The following CDKL2 variants were observed in gnomAD, a reference collection of about 807,000 sequenced individuals.
CDKL2 encodes the protein cyclin dependent kinase like 2.
A neutral mutation model predicts 63.9 loss-of-function variants in CDKL2; 64 were observed. The observed-to-expected ratio is 1.00, with a 90% CI of 0.82 to 1.23. The LOEUF (loss-of-function observed/expected upper bound fraction) is 1.23. Ranked by LOEUF, CDKL2 falls within the 50% of genes most tolerant of loss-of-function variation. The pLI is 0.00. For missense variants in CDKL2, 656 were observed against 668.0 expected, an observed-to-expected ratio of 0.98 and a Z score of 0.20; for synonymous variants, 211 against 229.2, an observed-to-expected ratio of 0.92 and a Z score of 0.72.
rs1286431182 is a variant in CDKL2 at position 75,607,262 on chromosome 4, C to T, written c.463G>A (p.Gly155Arg). ...GCCACATAATCAGTATAAACCTCCC[C>T]AGGAGCTGCCAATGTTCGCGCAAAT... is the stretch of plus-strand genomic sequence containing the variant. ...FGFARTLAAP[G>R]EVYTDYVATR... is the part of the protein sequence containing the mutation. The change falls in exon 4 of 14, where the codon GGG becomes AGG. Residue 155 changes from glycine (G) to arginine (R), a missense_variant. Physicochemically the swap from Gly to Arg is moderately radical, Grantham distance 125. Coordinates refer to ENST00000307465, the MANE Select transcript of CDKL2 (RefSeq NM_001330724.2). The T allele has an allele frequency of 1.9e-6, 3 of 1,613,998 alleles. No individual in the cohort carries two copies. Among genetic ancestry groups the T allele is most frequent in the African/African-American group, 2.7e-5 (2 of 74,942 alleles).
intron 6 of CDKL2, among the ~76,000 whole-genome samples, chr4:75,602,326 C>G (rs1164412954): frequency 6.6e-6 from 1 of 152,186 alleles, no homozygotes; most frequent in South Asian, 2.1e-4. Flanking sequence ...GTTACAGGCA[C>G]GTGCCACCAC....
At position 75,598,172 on chromosome 4, in the gene CDKL2, TG is replaced by T; in HGVS notation, c.924del (p.Arg309GlufsTer22). ...QELQLKVQKDARNVSLSKKSQ... is the reference protein window; with the variant it reads ...QELQLKVQKDXRNVSLSKKSQ... Reference sequence around the variant, plus strand: ...GATTTTTTAGATAAAGAAACATTTCTGGCATCTTTCTGTACTTTTAACTGTA... The same window carrying T: ...GATTTTTTAGATAAAGAAACATTTCTGCATCTTTCTGTACTTTTAACTGTA... On this transcript the variant is annotated frameshift_variant, in exon 8 of 14. Coordinates refer to ENST00000307465, the MANE Select transcript of CDKL2 (RefSeq NM_001330724.2). LOFTEE classifies it high-confidence loss of function. 1 of 1,530,120 alleles carries T rather than the reference TG, an allele frequency of 6.5e-7. No individual in the cohort carries two copies. Among genetic ancestry groups the T allele is most frequent in the South Asian group, 1.2e-5 (1 of 82,162 alleles). 94.8% of individuals were successfully genotyped at this position (1,530,120 alleles called of 1,614,324 possible).
At chr4:75,620,824 G>T (rs1005204602) in intron 2 of CDKL2, among the ~76,000 whole-genome samples, 2 of 152,102 alleles carry the variant, frequency 1.3e-5, no homozygotes, top group Non-Finnish European at 2.9e-5. Flanking sequence ...TTTCATTTGG[G>T]TTAGCCCTAA....
chr4:75,613,020 G>C (rs982169554), intron 3 of CDKL2, among the ~76,000 whole-genome samples: 2 of 152,110 alleles, frequency 1.3e-5, no homozygotes, highest in Non-Finnish European at 2.9e-5. Flanking sequence ...AGCTACTCCG[G>C]AGGCTGAGGC....
intron 2 of CDKL2, among the ~76,000 whole-genome samples, chr4:75,623,154 C>T (rs899421010): frequency 6.6e-5 from 10 of 152,122 alleles, no homozygotes; most frequent in African/African-American, 1.4e-4. Context: ...TGGCACACGC[C>T]TGTAGGCCCA....
At chr4:75,582,226 C>A (rs1728292954) in intron 12 of CDKL2, among the ~76,000 whole-genome samples, 1 of 152,120 alleles carries the variant, frequency 6.6e-6, no homozygotes, top group Admixed American at 6.5e-5. Context: ...CCTGTTGGAA[C>A]CATCATATAA....
chr4:75,614,129 G>T lies in CDKL2; in HGVS notation c.363+126C>A, dbSNP rs1729823183. 1.2e-5 allele frequency: 7 copies of T among 580,228 alleles called. No homozygotes were observed. In the South Asian group the frequency reaches 1.8e-4, roughly 15 times the overall value. 35.9% of individuals were successfully genotyped at this position (580,228 alleles called of 1,614,324 possible). A position where few individuals can be genotyped will look rare whatever the true frequency, so the allele number is the denominator to read the frequency against. On this transcript the variant is annotated intron_variant, in intron 3 of 13. Coordinates refer to ENST00000307465, the MANE Select transcript of CDKL2 (RefSeq NM_001330724.2). ...AACTCCAATTAATAGATGCACAGAT[G>T]AAGTATTTAGTGTTAAAGTATACTG...
chr4:75,588,416 C>A (rs934676206), intron 12 of CDKL2, among the ~76,000 whole-genome samples: 1 of 151,814 alleles, frequency 6.6e-6, no homozygotes, highest in African/African-American at 2.4e-5. Flanking sequence ...ACAAATATAT[C>A]TTTTTTAAAA....
intron 10 of CDKL2, among the ~76,000 whole-genome samples, chr4:75,595,477 A>T (rs915922903): frequency 1.3e-5 from 2 of 152,096 alleles, no homozygotes; most frequent in Non-Finnish European, 2.9e-5. Context: ...GGCCTCCCAA[A>T]GTGCTGGGAT....
chr4:75,622,327 C>G (rs1730187066), intron 2 of CDKL2, among the ~76,000 whole-genome samples: 1 of 151,998 alleles, frequency 6.6e-6, no homozygotes, highest in Non-Finnish European at 1.5e-5. Flanking sequence ...TACTTTACAT[C>G]TAACGACACA....
intron 1 of CDKL2, among the ~76,000 whole-genome samples, chr4:75,626,932 A>C (rs188047230): frequency 1.3e-5 from 2 of 152,038 alleles, no homozygotes; most frequent in Admixed American, 6.6e-5. Context: ...GGCCAGGTGC[A>C]GTGGCTCACA....
chr4:75,594,386 TG>T (rs1474646047), intron 10 of CDKL2, among the ~76,000 whole-genome samples: 1 of 151,612 alleles, frequency 6.6e-6, no homozygotes, highest in Non-Finnish European at 1.5e-5. Flanking sequence ...AGGCGGAGGT[TG>T]CAGTGAGCCG....
At chr4:75,579,409 C>T (rs1228874480) in intron 13 of CDKL2, among the ~76,000 whole-genome samples, 1 of 152,226 alleles carries the variant, frequency 6.6e-6, no homozygotes, top group Non-Finnish European at 1.5e-5. Flanking sequence ...TGCAGTGGCT[C>T]ACGCCTGTAA....
Position 75,591,907 on chromosome 4 carries a change from G to C in CDKL2, c.1559C>G (p.Thr520Arg). 6.5e-7 allele frequency: 1 copy of C among 1,535,698 alleles called. No homozygotes were observed. Among genetic ancestry groups the C allele is most frequent in the South Asian group, 1.2e-5 (1 of 84,058 alleles). ...TGAAAGAATTTTGCTCTCTTTCTTT[G>C]TTAGCCTGGAATTTCGAGCTAGATA... The part of the protein sequence containing the change: ...LGGIARNSRL[T>R]KKESKILSES... Residue 520 changes from threonine (T) to arginine (R), a missense_variant, in exon 12 of 14, where the codon ACA becomes AGA. By Grantham distance (71) the Thr-to-Arg change is moderately conservative. Coordinates refer to ENST00000307465, the MANE Select transcript of CDKL2 (RefSeq NM_001330724.2).
intron 13 of CDKL2, among the ~76,000 whole-genome samples, chr4:75,581,070 T>G (rs1728242852): frequency 6.6e-6 from 1 of 152,202 alleles, no homozygotes; most frequent in African/African-American, 2.4e-5. Flanking sequence ...CTGATCTCTC[T>G]TTATTGGGAA....
chr4:75,580,419 A>G (rs1728209133), intron 13 of CDKL2, among the ~76,000 whole-genome samples: 1 of 152,122 alleles, frequency 6.6e-6, no homozygotes, highest in Non-Finnish European at 1.5e-5. Context: ...TAATTCCAGC[A>G]CTTAGGGAGG....
intron 12 of CDKL2, among the ~76,000 whole-genome samples, chr4:75,583,818 TA>T (rs1331767485): frequency 2.6e-5 from 4 of 151,024 alleles, no homozygotes; most frequent in East Asian, 1.9e-4. Context: ...GAGCAATCAC[TA>T]AAAAAAATAT....
intron 3 of CDKL2, among the ~76,000 whole-genome samples, chr4:75,609,006 A>G (rs905271838): frequency 9.9e-5 from 15 of 151,578 alleles, no homozygotes; most frequent in South Asian, 4.2e-4. Flanking sequence ...GAAAAAAAAA[A>G]AAAAAGAAAA....
Position 75,630,141 on chromosome 4 carries a change from C to A in CDKL2, c.-129G>T, listed in dbSNP as rs1010128826. ...TGGTTCGCAGGTCCAAAAGATGCTG[C>A]CTAGCAAACTAGCAATTCCAGCGCT... On this transcript the variant is annotated 5_prime_UTR_variant, in exon 1 of 14. Coordinates refer to ENST00000307465, the MANE Select transcript of CDKL2 (RefSeq NM_001330724.2). 2.0e-5 allele frequency: 3 copies of A among 152,570 alleles called. No homozygotes were observed. The highest frequency in any genetic ancestry group is 7.2e-5 in the African/African-American group (3 of 41,430). 9.5% of individuals were successfully genotyped at this position (152,570 alleles called of 1,614,324 possible). A position where few individuals can be genotyped will look rare whatever the true frequency, so the allele number is the denominator to read the frequency against.
Sources: gnomAD v4.1 joint callset for allele counts (sites outside exome capture counted in the v4.1 genomes callset) on GRCh38, gnomAD v4.1.1 for gene constraint, MANE v1.5 for transcripts, NCBI Gene and HGNC (gene_info 2026-07-23, HGNC 2026-07-21) for gene names.